The following WWC2 variants were observed in gnomAD, a reference collection of about 807,000 sequenced individuals.
WWC2 encodes protein WWC2.
A neutral mutation model predicts 138.5 loss-of-function variants in WWC2; 101 were observed. That is an observed-to-expected ratio of 0.73 (90% CI 0.62 to 0.86). WWC2 has a LOEUF of 0.86. WWC2 is among the 40% of genes least tolerant of loss of function. The pLI is 0.00. For synonymous variants in WWC2, 558 were observed against 538.4 expected (o/e 1.04, Z -0.50); for missense variants, 1,420 against 1,419.4 (o/e 1.00, Z -0.01).
chr4:183,164,319 AC>A (rs1379040413), intron 1 of WWC2, among the ~76,000 whole-genome samples: 1 of 190 alleles, frequency 5.3e-3, no homozygotes. Flanking sequence ...TATTATATAT[AC>A]ATATATATAT....
chr4:183,108,635 C>T (rs1430713105), intron 1 of WWC2, among the ~76,000 whole-genome samples: 1 of 151,210 alleles, frequency 6.6e-6, no homozygotes, highest in African/African-American at 2.4e-5. Flanking sequence ...TTTTGAGACA[C>T]AGCCTCACTC....
At chr4:183,226,991 CCTTT>C (rs1444870422) in intron 4 of WWC2, among the ~76,000 whole-genome samples, 2 of 151,996 alleles carry the variant, frequency 1.3e-5, no homozygotes, top group East Asian at 3.9e-4. Context: ...CTATTGTGTC[CCTTT>C]CTTGGTCTCA....
Position 183,171,710 on chromosome 4 carries a change from T to C in WWC2, c.132-21889T>C, listed in dbSNP as rs576724361. On this transcript the variant is annotated intron_variant, in intron 1 of 22. Coordinates refer to ENST00000403733, the MANE Select transcript of WWC2 (RefSeq NM_024949.6). ...TGTGACCCACTACTCTCCCCCACAC[T>C]TGATTCACTGTCTCTACAGTCGACC... Among the ~76,000 whole-genome samples, 9 of 152,320 alleles carry C rather than the reference T, an allele frequency of 5.9e-5. No individual in the cohort carries two copies. In the South Asian group the frequency reaches 1.7e-3, roughly 28 times the overall value.
chr4:183,103,018 T>C (rs972448496), intron 1 of WWC2, among the ~76,000 whole-genome samples: 1 of 152,160 alleles, frequency 6.6e-6, no homozygotes, highest in Non-Finnish European at 1.5e-5. Context: ...AGAATTTTGC[T>C]CATTTTCTAT....
At chr4:183,238,052 C>T (rs1736484850) in intron 4 of WWC2, among the ~76,000 whole-genome samples, 2 of 152,162 alleles carry the variant, frequency 1.3e-5, no homozygotes, top group Non-Finnish European at 2.9e-5. Flanking sequence ...ATGCCAGTGA[C>T]TCTCAATTAT....
At chr4:183,241,283 G>T (rs895366674) in intron 5 of WWC2, among the ~76,000 whole-genome samples, 1 of 152,170 alleles carries the variant, frequency 6.6e-6, no homozygotes, top group African/African-American at 2.4e-5. Flanking sequence ...TTTTCCCTGT[G>T]GAATCTTACT....
At chr4:183,164,863 A>G (rs1020974447) in intron 1 of WWC2, among the ~76,000 whole-genome samples, 1 of 152,206 alleles carries the variant, frequency 6.6e-6, no homozygotes, top group South Asian at 2.1e-4. Flanking sequence ...TCTGGTTACC[A>G]TAAGGATTTT....
intron 21 of WWC2, among the ~76,000 whole-genome samples, chr4:183,308,757 A>G (rs1286870919): frequency 6.6e-6 from 1 of 152,210 alleles, no homozygotes; most frequent in Admixed American, 6.5e-5. Context: ...GTTATGCTAT[A>G]TTTAATGACA....
At chr4:183,132,804 T>A (rs138648622) in intron 1 of WWC2, among the ~76,000 whole-genome samples, 1 of 152,104 alleles carries the variant, frequency 6.6e-6, no homozygotes, top group African/African-American at 2.4e-5. Context: ...CTGTGAATAG[T>A]AGAAGTTATA....
chr4:183,285,639 A>G (rs1396245805), intron 19 of WWC2, among the ~76,000 whole-genome samples: 2 of 152,162 alleles, frequency 1.3e-5, no homozygotes, highest in Non-Finnish European at 2.9e-5. Context: ...GTGCGCCTGT[A>G]ATCCGAGTTA....
At chr4:183,302,843 C>T (rs916266946) in intron 21 of WWC2, among the ~76,000 whole-genome samples, 1 of 152,092 alleles carries the variant, frequency 6.6e-6, no homozygotes, top group Non-Finnish European at 1.5e-5. Context: ...ACGGGTAGAT[C>T]ACTTGAGGTC....
At chr4:183,268,161 C>T (rs1700653736) in intron 14 of WWC2, among the ~76,000 whole-genome samples, 1 of 152,082 alleles carries the variant, frequency 6.6e-6, no homozygotes, top group Non-Finnish European at 1.5e-5. Context: ...CGGAGAAAGG[C>T]ATGTTTTAGA....
At chr4:183,171,640 G>C (rs1734282722) in intron 1 of WWC2, among the ~76,000 whole-genome samples, 1 of 71,940 alleles carries the variant, frequency 1.4e-5, no homozygotes. Flanking sequence ...ATCTGTAAAT[G>C]ATTAACAAAC....
At chr4:183,135,035 G>A (rs1010853073) in intron 1 of WWC2, among the ~76,000 whole-genome samples, 1 of 151,862 alleles carries the variant, frequency 6.6e-6, no homozygotes, top group Non-Finnish European at 1.5e-5. Flanking sequence ...GGGTTCAAGC[G>A]ATTCTCCTGC....
chr4:183,159,728 TTAA>T (rs1383542048), intron 1 of WWC2, among the ~76,000 whole-genome samples: 2,108 of 57,678 alleles, frequency 0.037, 22 homozygotes, highest in East Asian at 0.076. Context: ...TTTTTTTTTT[TTAA>T]AAAAAAAAAA....
chr4:183,125,479 A>G (rs1023858985), intron 1 of WWC2, among the ~76,000 whole-genome samples: 1 of 152,350 alleles, frequency 6.6e-6, no homozygotes, highest in East Asian at 1.9e-4. Flanking sequence ...CTTTGCTTCA[A>G]TTAAATGTTT....
intron 1 of WWC2, among the ~76,000 whole-genome samples, chr4:183,166,157 T>C (rs112200312): frequency 1.3e-5 from 2 of 152,204 alleles, no homozygotes; most frequent in Admixed American, 6.5e-5. Context: ...CTCCCCCAGA[T>C]ATAGCCAGGT....
chr4:183,301,361 A>T (rs1478857518), intron 21 of WWC2, among the ~76,000 whole-genome samples: 4 of 152,238 alleles, frequency 2.6e-5, no homozygotes, highest in Non-Finnish European at 4.4e-5. Flanking sequence ...CTCATCAATT[A>T]CAAAGTAATC....
rs959611606 is a variant in WWC2, at chr4:183,265,929, T to C, written c.2185T>C (p.Leu729=). Residue 729 remains leucine, a synonymous_variant, in exon 14 of 23, where the codon TTG becomes CTG. Coordinates refer to ENST00000403733, the MANE Select transcript of WWC2 (RefSeq NM_024949.6). ...ACAGCTCCGAAACCTTCATGCCTTC[T>C]TGATACCTCATACTTCAAAAGTGTA... ...IAQLRNLHAF[L]IPHTSKVYFR... 1 of 1,612,934 alleles carries C rather than the reference T, an allele frequency of 6.2e-7. No homozygotes were observed. The highest frequency in any genetic ancestry group is 8.5e-7 in the Non-Finnish European group (1 of 1,179,478).
Sources: gnomAD v4.1 joint callset for allele counts (sites outside exome capture counted in the v4.1 genomes callset) on GRCh38, gnomAD v4.1.1 for gene constraint, MANE v1.5 for transcripts, NCBI Gene and HGNC (gene_info 2026-07-23, HGNC 2026-07-21) for gene names.